The following CEP55 variants were observed in gnomAD, a reference collection of about 807,000 sequenced individuals.
CEP55 encodes the protein centrosomal protein of 55 kDa.
In CEP55, 57 loss-of-function variants were observed where a neutral mutation model predicts 63.2. The observed-to-expected ratio is 0.90, with a 90% CI of 0.73 to 1.13. CEP55 has a LOEUF of 1.13. Among genes scored for constraint, CEP55 ranks in the 50% most tolerant of loss-of-function variants. CEP55 has a pLI of 0.00. For synonymous variants in CEP55, 178 were observed against 191.6 expected (o/e 0.93, Z 0.59); for missense variants, 456 against 518.9 (o/e 0.88, Z 1.18).
intron 4 of CEP55, among the ~76,000 whole-genome samples, chr10:93,514,157 T>A (rs1188809004): frequency 1.3e-5 from 2 of 152,088 alleles, no homozygotes; most frequent in African/African-American, 4.8e-5. Flanking sequence ...GGTCTTGAAC[T>A]CCTGGCCTCA....
In CEP55 at chr10:93,500,098, C is replaced by T. The variant is rs372454698; in HGVS notation, c.47C>T (p.Ser16Leu). 3.3e-5 allele frequency: 53 copies of T among 1,612,886 alleles called. No individual in the cohort carries two copies. Among genetic ancestry groups the T allele is most frequent in the African/African-American group, 2.5e-4 (19 of 74,850 alleles). ...TKDLIKSKWG[S>L]KPSNSKSETT... ...GATTTAATTAAAAGTAAGTGGGGAT[C>T]GAAGCCTAGTAACTCCAAATCCGAA... Residue 16 changes from serine (S) to leucine (L), a missense_variant, in exon 2 of 9, where the codon TCG becomes TTG. By Grantham distance (145) the Ser-to-Leu change is moderately radical. Coordinates refer to ENST00000371485, the MANE Select transcript of CEP55 (RefSeq NM_018131.5).
At chr10:93,519,481 T>C (rs2057835718) in intron 7 of CEP55, among the ~76,000 whole-genome samples, 1 of 152,250 alleles carries the variant, frequency 6.6e-6, no homozygotes, top group African/African-American at 2.4e-5. Context: ...TACCTCAGCG[T>C]TGGCTTTGCT....
At chr10:93,508,590 A>G (rs1473482059) in intron 4 of CEP55, among the ~76,000 whole-genome samples, 1 of 152,220 alleles carries the variant, frequency 6.6e-6, no homozygotes, top group Non-Finnish European at 1.5e-5. Context: ...GAAATATCTT[A>G]CACAGCTCCT....
At chr10:93,504,215 A>C (rs1440571613) in intron 3 of CEP55, among the ~76,000 whole-genome samples, 2 of 152,144 alleles carry the variant, frequency 1.3e-5, no homozygotes, top group Non-Finnish European at 2.9e-5. Context: ...GCTCACGCCT[A>C]TAATCCCACC....
At chr10:93,514,163 C>G (rs1195541525) in intron 4 of CEP55, among the ~76,000 whole-genome samples, 1 of 152,072 alleles carries the variant, frequency 6.6e-6, no homozygotes, top group Non-Finnish European at 1.5e-5. Flanking sequence ...GAACTCCTGG[C>G]CTCAAGTAAT....
At position 93,507,008 on chromosome 10, in the gene CEP55, C is replaced by T. The variant is rs761438691; in HGVS notation, c.480C>T (p.Phe160=). The T allele has an allele frequency of 4.4e-6, 7 of 1,589,072 alleles. No individual in the cohort carries two copies. The African/African-American group carries it at 8.1e-5, about 18-fold the overall frequency. The change falls in exon 4 of 9, where the codon TTC becomes TTT. Residue 160 remains phenylalanine, a synonymous_variant. Coordinates refer to ENST00000371485, the MANE Select transcript of CEP55 (RefSeq NM_018131.5). ...TACAGACTGTGGCTCCAAACTGCTT[C>T]AACTCATCAATAAATAATATTCATG... ...RLSQTVAPNC[F]NSSINNIHEM...
chr10:93,509,488 T>C (rs1589650424), intron 4 of CEP55, among the ~76,000 whole-genome samples: 2 of 150,892 alleles, frequency 1.3e-5, no homozygotes, highest in Admixed American at 1.3e-4. Context: ...ATTATTATTA[T>C]TATTATTATT....
chr10:93,500,200 A>G lies in CEP55; in HGVS notation c.149A>G (p.Lys50Arg). Residue 50 changes from lysine (K) to arginine (R), a missense_variant, in exon 2 of 9, where the codon AAG becomes AGG. Transcript: ENST00000371485. The stretch of plus-strand genomic sequence containing the variant: ...GATGAAATCACAAGTGGGAAAGGAA[A>G]GCTGACTGATAAAGAGAGACACAGA... ...SVDEITSGKG[K>R]LTDKERHRLL... 2 of 1,613,164 alleles carry G rather than the reference A, an allele frequency of 1.2e-6. No individual in the cohort carries two copies. The highest frequency in any genetic ancestry group is 1.7e-6 in the Non-Finnish European group (2 of 1,179,748).
intron 7 of CEP55, chr10:93,519,230 G>A: frequency 2.3e-6 from 1 of 432,252 alleles, no homozygotes; most frequent in Non-Finnish European, 4.2e-6. Flanking sequence ...TTCCCCAGTG[G>A]CTGTAGCTCC....
chr10:93,524,214 G>T (rs1467866078), intron 8 of CEP55, among the ~76,000 whole-genome samples: 1 of 152,106 alleles, frequency 6.6e-6, no homozygotes, highest in African/African-American at 2.4e-5. Flanking sequence ...AAGAAGAAAA[G>T]AGAGAAGAAT....
intron 5 of CEP55, 67 bp downstream of exon 5, chr10:93,515,622 A>G: frequency 6.9e-7 from 1 of 1,443,730 alleles, no homozygotes. Context: ...ATGATTCATC[A>G]AATTTAGATT....
intron 4 of CEP55, among the ~76,000 whole-genome samples, chr10:93,509,290 G>A (rs755362192): frequency 7.2e-5 from 11 of 151,990 alleles, no homozygotes; most frequent in South Asian, 2.1e-4. Context: ...TTAGAAAGGC[G>A]TTTATACAAA....
At position 93,503,291 on chromosome 10, in the gene CEP55, T is replaced by C; in HGVS notation, c.362T>C (p.Leu121Ser). ...AGGAGGGAGCAGGTGTTGAAAGCCT[T>C]ATCTGAAGAGAAAGACGTATTGAAA... ...GERREQVLKA[L>S]SEEKDVLKQQ... Residue 121 changes from leucine (L) to serine (S), a missense_variant, in exon 3 of 9, where the codon TTA (leucine) becomes TCA (serine). Transcript: ENST00000371485. 1 of 1,614,164 alleles carries C rather than the reference T, an allele frequency of 6.2e-7. No homozygotes were observed. The highest frequency in any genetic ancestry group is 8.5e-7 in the Non-Finnish European group (1 of 1,180,016).
chr10:93,508,089 C>G (rs1417630167), intron 4 of CEP55, among the ~76,000 whole-genome samples: 2 of 152,212 alleles, frequency 1.3e-5, no homozygotes, highest in Non-Finnish European at 2.9e-5. Flanking sequence ...TCTTTGTACA[C>G]TCAGTACTTC....
At chr10:93,521,034 G>A (rs551920731) in intron 8 of CEP55, among the ~76,000 whole-genome samples, 15 of 152,276 alleles carry the variant, frequency 9.9e-5, no homozygotes, top group African/African-American at 3.6e-4. Context: ...CAGCGTGAGC[G>A]ACACAGAAGA....
Position 93,519,670 on chromosome 10 carries a change from G to A in CEP55, c.1066-12G>A, listed in dbSNP as rs1407081638. The A allele has an allele frequency of 6.2e-7, 1 of 1,613,898 alleles. No individual in the cohort carries two copies. Among genetic ancestry groups the A allele is most frequent in the Non-Finnish European group, 8.5e-7 (1 of 1,179,970 alleles). ...TATCAGCTGTAATGGTCTTGTTCTGGGCCTTTTCCAGATGCAGGCATGTAC... is the reference window on the plus strand; with the variant it reads ...TATCAGCTGTAATGGTCTTGTTCTGAGCCTTTTCCAGATGCAGGCATGTAC... On this transcript the variant is annotated splice_polypyrimidine_tract_variant and intron_variant, in intron 7 of 8. Transcript: ENST00000371485.
At chr10:93,518,777 G>C in intron 6 of CEP55, 100 bp from the exon 7 acceptor site, 1 of 750,804 alleles carries the variant, frequency 1.3e-6, no homozygotes, top group Non-Finnish European at 2.3e-6. Context: ...GTGTTGTCCT[G>C]GTTAGAGATG....
intron 4 of CEP55, among the ~76,000 whole-genome samples, chr10:93,513,712 T>C (rs1348907114): frequency 1.3e-5 from 2 of 152,220 alleles, no homozygotes; most frequent in Non-Finnish European, 2.9e-5. Context: ...GATACTGTTA[T>C]AGGTTCTTCG....
chr10:93,527,550 A>G (rs2057936867), intron 8 of CEP55, among the ~76,000 whole-genome samples: 1 of 152,148 alleles, frequency 6.6e-6, no homozygotes. Flanking sequence ...TGAAGCAGCT[A>G]TAATACTTAT....
Sources: gnomAD v4.1 joint callset for allele counts (sites outside exome capture counted in the v4.1 genomes callset) on GRCh38, gnomAD v4.1.1 for gene constraint, MANE v1.5 for transcripts, NCBI Gene and HGNC (gene_info 2026-07-23, HGNC 2026-07-21) for gene names.